Variants in TMEM218 observed in about 807,000 individuals in gnomAD.
The protein encoded by TMEM218 is transmembrane protein 218.
TMEM218 carries 8 observed loss-of-function variants against 10.0 expected under a neutral mutation model. That is an observed-to-expected ratio of 0.80 (90% CI 0.47 to 1.44). TMEM218 has a LOEUF of 1.44. TMEM218 is among the 40% of genes most tolerant of loss of function. The probability of loss-of-function intolerance (pLI) is 0.00; values close to 1 mark genes in which losing one functional copy is unlikely to be tolerated. For synonymous variants in TMEM218, 66 were observed against 63.5 expected, an observed-to-expected ratio of 1.04 and a Z score of -0.18; for missense variants, 110 against 140.1, an observed-to-expected ratio of 0.79 and a Z score of 1.08.
At chr11:125,098,834 G>T (rs1347424028) in intron 4 of TMEM218, among the ~76,000 whole-genome samples, 2 of 152,176 alleles carry the variant, frequency 1.3e-5, no homozygotes, top group African/African-American at 2.4e-5. Flanking sequence ...AGCAAGAGAG[G>T]TGAGGATGGA....
In TMEM218 at chr11:125,105,353, G is replaced by A. The variant is rs545690395; in HGVS notation, c.-152-2544C>T. 7.9e-5 allele frequency among the ~76,000 whole-genome samples: 12 copies of A among 152,286 alleles called. No individual in the cohort carries two copies. In the South Asian group the frequency reaches 2.5e-3, roughly 32 times the overall value. ...AGGCTGGCATGCAAGACTCCCTCAAGAGTAAGTGTAAAACAAAGATGTTTT... is the reference window on the plus strand; with the variant it reads ...AGGCTGGCATGCAAGACTCCCTCAAAAGTAAGTGTAAAACAAAGATGTTTT... On this transcript the variant is annotated intron_variant, in intron 1 of 4. Transcript: ENST00000682305.
At chr11:125,101,547 A>C (rs1039410853) in intron 3 of TMEM218, 1 of 1,447,066 alleles carries the variant, frequency 6.9e-7, no homozygotes, top group Non-Finnish European at 9.1e-7. Context: ...TGTAGTTTTT[A>C]TTTTTACTTC....
chr11:125,104,909 T>C (rs1333607120), intron 1 of TMEM218: 2 of 152,130 alleles, frequency 1.3e-5, no homozygotes, highest in Non-Finnish European at 2.9e-5. Flanking sequence ...TTAAGTGCTA[T>C]AAAAAAATGT....
At chr11:125,097,817 G>A (rs1192666046) in intron 4 of TMEM218, 77 bp from the exon 5 acceptor site, 13 of 1,432,800 alleles carry the variant, frequency 9.1e-6, no homozygotes, top group Non-Finnish European at 1.2e-5. Flanking sequence ...TCCATGATGA[G>A]TGGGCCAAGA....
chr11:125,103,187 C>T (rs1288783897), intron 1 of TMEM218: 1 of 154,086 alleles, frequency 6.5e-6, no homozygotes, highest in Non-Finnish European at 1.4e-5. Context: ...ACCACCTGAG[C>T]TTCGCCTCCT....
chr11:125,099,886 T>C (rs1303666115), intron 4 of TMEM218, among the ~76,000 whole-genome samples: 3 of 139,236 alleles, frequency 2.2e-5, no homozygotes, highest in Non-Finnish European at 4.5e-5. Context: ...ATCATGCCAC[T>C]GCACTCCAGC....
chr11:125,108,726 C>T lies in TMEM218; in HGVS notation c.-153+2813G>A, dbSNP rs1264780555. On this transcript the variant is annotated intron_variant, in intron 1 of 4. Transcript: ENST00000682305. The surrounding 1 kb of genome is among the most constrained non-coding windows in gnomAD (Gnocchi z 5.3). ...TTCCTGGAAATTTTACTATATTAAA[C>T]TGTGCCAAAAAATACATTATGTTTA... Among the ~76,000 whole-genome samples the T allele has an allele frequency of 1.3e-5, 2 of 152,186 alleles. No homozygotes were observed. The highest frequency in any genetic ancestry group is 2.9e-5 in the Non-Finnish European group (2 of 68,012).
At chr11:125,100,185 G>A (rs1361566954) in intron 4 of TMEM218, among the ~76,000 whole-genome samples, 1 of 152,178 alleles carries the variant, frequency 6.6e-6, no homozygotes, top group African/African-American at 2.4e-5. Flanking sequence ...GTGTCAAAAT[G>A]CTAACCCATG....
chr11:125,107,797 G>GTATATATATATATATA (rs1389771222), intron 1 of TMEM218, among the ~76,000 whole-genome samples: 2 of 147,362 alleles, frequency 1.4e-5, no homozygotes, highest in African/African-American at 2.5e-5. Context: ...GTGGATATGT[G>GTATATATATATATATA]TGTATATATA....
intron 1 of TMEM218, among the ~76,000 whole-genome samples, chr11:125,106,579 A>C (rs1952218973): frequency 6.6e-6 from 1 of 152,254 alleles, no homozygotes; most frequent in South Asian, 2.1e-4. Context: ...AAATATGTAA[A>C]AAGGTGCTCA....
chr11:125,107,584 T>A (rs1171129269), intron 1 of TMEM218, among the ~76,000 whole-genome samples: 1 of 152,084 alleles, frequency 6.6e-6, no homozygotes, highest in Non-Finnish European at 1.5e-5. Flanking sequence ...TAAAGATATA[T>A]GCATACACAC....
chr11:125,102,528 G>T, intron 2 of TMEM218: 4 of 1,428,808 alleles, frequency 2.8e-6, no homozygotes, highest in South Asian at 1.2e-5. Flanking sequence ...TCTGCGCTCA[G>T]AAGTTTTTTC....
At chr11:125,106,864 CAAAA>C (rs1170005335) in intron 1 of TMEM218, among the ~76,000 whole-genome samples, 2 of 151,746 alleles carry the variant, frequency 1.3e-5, no homozygotes, top group African/African-American at 2.4e-5. Context: ...CACCTAAATT[CAAAA>C]AAAAGACATT....
At chr11:125,105,643 T>G (rs777845095) in intron 1 of TMEM218, among the ~76,000 whole-genome samples, 1 of 152,162 alleles carries the variant, frequency 6.6e-6, no homozygotes, top group Non-Finnish European at 1.5e-5. Flanking sequence ...AGTTAAAGCA[T>G]TCTACAGTGA....
At chr11:125,097,985 C>T (rs1314101971) in intron 4 of TMEM218, among the ~76,000 whole-genome samples, 3 of 152,200 alleles carry the variant, frequency 2.0e-5, no homozygotes, top group Non-Finnish European at 4.4e-5. Context: ...TTGGTAAACA[C>T]TTTGAAGTCC....
In TMEM218 at chr11:125,097,491, T is replaced by A. The variant is rs1949798923; in HGVS notation, c.*115A>T. 8.6e-7 allele frequency: 1 copy of A among 1,163,240 alleles called. No homozygotes were observed. The highest frequency in any genetic ancestry group is 2.4e-5 in the Admixed American group (1 of 41,842). The allele number at this position is 1,163,240 out of a possible 1,614,324, so 72.1% of individuals were successfully genotyped here. ...ATTTGTCTTAGTGATGGACAGATAC[T>A]CCTCTAACCTTAAGGCATGAGGGCT... On this transcript the variant is annotated 3_prime_UTR_variant, in exon 5 of 5. Transcript: ENST00000682305.
At position 125,108,926 on chromosome 11, in the gene TMEM218, AAAG is replaced by A. The variant is rs988051160; in HGVS notation, c.-153+2610_-153+2612del. 6.6e-6 allele frequency among the ~76,000 whole-genome samples: 1 copy of A among 152,190 alleles called. No homozygotes were observed. The highest frequency in any genetic ancestry group is 2.4e-5 in the African/African-American group (1 of 41,452). On this transcript the variant is annotated intron_variant, in intron 1 of 4. Transcript: ENST00000682305. This position sits in a 1 kb window ranked among gnomAD's most constrained non-coding sequence, Gnocchi z 5.3. The stretch of plus-strand genomic sequence containing the variant: ...GTAAACCCCAGTAGTGCCTCCAATC[AAAG>A]AATAACAAAATACATCTTCACAAAT...
intron 3 of TMEM218, 166 bp downstream of exon 3, chr11:125,101,966 G>T: frequency 2.5e-6 from 2 of 796,788 alleles, no homozygotes; most frequent in Non-Finnish European, 3.7e-6. Context: ...CTGCTCCAGA[G>T]CATAAATAAC....
In TMEM218 at chr11:125,102,185, C is replaced by T; in HGVS notation, c.57G>A (p.Trp19Ter). 6.2e-7 allele frequency: 1 copy of T among 1,611,750 alleles called. No homozygotes were observed. Among genetic ancestry groups the T allele is most frequent in the Non-Finnish European group, 8.5e-7 (1 of 1,179,114 alleles). Residue 19 changes from tryptophan (W) to a stop codon, truncating the protein, a stop_gained, in exon 3 of 5, where the codon TGG becomes TGA. Transcript: ENST00000682305. LOFTEE classifies it high-confidence loss of function. ...GCACACACAGCAGCAGCACTGCCAC[C>T]CAGAGCAGGGCTAAGATGAACACGC... ...GAGVFILALL[W>*]VAVLLLCVLL...
Sources: gnomAD v4.1 joint callset for allele counts (sites outside exome capture counted in the v4.1 genomes callset) on GRCh38, gnomAD v4.1.1 for gene constraint, Gnocchi (gnomAD v3.1) non-coding constraint, MANE v1.5 for transcripts, NCBI Gene and HGNC (gene_info 2026-07-23, HGNC 2026-07-21) for gene names.